Variants in CHN1 observed in about 807,000 individuals in gnomAD.
CHN1 encodes the protein chimerin 1.
A neutral mutation model predicts 59.5 loss-of-function variants in CHN1; 37 were observed. That is an observed-to-expected ratio of 0.62 (90% CI 0.48 to 0.82). The LOEUF is 0.82. Ranked by LOEUF, CHN1 falls within the 40% of genes least tolerant of loss-of-function variation. CHN1 has a pLI of 0.00. For synonymous variants in CHN1, 206 were observed against 200.4 expected (o/e 1.03, Z -0.24); for missense variants, 469 against 571.0 (o/e 0.82, Z 1.82).
chr2:174,855,333 C>T (rs966689322), intron 6 of CHN1, among the ~76,000 whole-genome samples: 6 of 152,138 alleles, frequency 3.9e-5, no homozygotes, highest in Admixed American at 2.6e-4. Flanking sequence ...AGGACCCTTA[C>T]GATTGGGAAG....
intron 1 of CHN1, among the ~76,000 whole-genome samples, chr2:174,978,882 T>C (rs1298399455): frequency 6.6e-6 from 1 of 152,238 alleles, no homozygotes; most frequent in Non-Finnish European, 1.5e-5. Flanking sequence ...AGACCTTTAG[T>C]GACTGAAGAG....
chr2:174,972,231 T>G (rs963766028), intron 1 of CHN1, among the ~76,000 whole-genome samples: 1 of 152,120 alleles, frequency 6.6e-6, no homozygotes, highest in African/African-American at 2.4e-5. Context: ...CTGGTTCCCG[T>G]GTCCAAAAAG....
rs78515400 is a variant in CHN1, at chr2:174,847,749, A to G, written c.550-792T>C. 5.8e-4 allele frequency: 299 copies of G among 512,704 alleles called. No homozygotes were observed. In the African/African-American group the frequency reaches 6.2e-3, roughly 11 times the overall value. The allele number at this position is 512,704 out of a possible 1,614,324, so 31.8% of individuals were successfully genotyped here. ...CTCTGTTTCTCCCTCCTCTCATGTA[A>G]GTAAGTTTCTTGCTGGCTCAAGGCA... On this transcript the variant is annotated intron_variant, in intron 6 of 12. Transcript: ENST00000409900.
At chr2:174,827,492 G>A (rs1489845746) in intron 7 of CHN1, among the ~76,000 whole-genome samples, 1 of 152,196 alleles carries the variant, frequency 6.6e-6, no homozygotes, top group East Asian at 1.9e-4. Flanking sequence ...AGTCTGGGTG[G>A]AGTGGAAACG....
In CHN1 at chr2:174,812,598, A is replaced by G. The variant is rs907809074; in HGVS notation, c.713-116T>C. 3 of 771,906 alleles carry G rather than the reference A, an allele frequency of 3.9e-6. No individual in the cohort carries two copies. The African/African-American group carries it at 5.3e-5, about 14-fold the overall frequency. The allele number at this position is 771,906 out of a possible 1,614,324, so 47.8% of individuals were successfully genotyped here. On this transcript the variant is annotated intron_variant, in intron 8 of 12. Transcript: ENST00000409900. ...CTTGAATTAGGTTTTAAAGTGGACT[A>G]GACTCCAGCAGTTCTTTCTTGGTGG...
intron 6 of CHN1, among the ~76,000 whole-genome samples, chr2:174,861,660 T>C (rs149472777): frequency 8.7e-4 from 132 of 152,352 alleles, no homozygotes; most frequent in Non-Finnish European, 1.3e-3. Context: ...TCAAAATGTA[T>C]GCAGAATATG....
At chr2:174,809,349 C>T (rs1685002551) in intron 10 of CHN1, among the ~76,000 whole-genome samples, 2 of 152,134 alleles carry the variant, frequency 1.3e-5, no homozygotes, top group South Asian at 4.1e-4. Context: ...TGTGAGCCCT[C>T]CATGAGTGCA....
At chr2:174,831,507 T>C (rs1685878078) in intron 7 of CHN1, among the ~76,000 whole-genome samples, 1 of 152,130 alleles carries the variant, frequency 6.6e-6, no homozygotes, top group Admixed American at 6.5e-5. Flanking sequence ...TGTGGAAATA[T>C]CAAAGTTCTC....
chr2:174,869,263 A>C (rs1687326387), intron 6 of CHN1, among the ~76,000 whole-genome samples: 1 of 152,228 alleles, frequency 6.6e-6, no homozygotes, highest in Non-Finnish European at 1.5e-5. Context: ...TGTAATCACT[A>C]CTATACACCT....
rs140925129 is a variant in CHN1, at chr2:174,900,935, T to A, written c.260+14123A>T. ...TTCACTGAAGTGTAACCAGGAAAAATTAAATTATGTCAAAGACCAACAAAA... is the reference window on the plus strand; with the variant it reads ...TTCACTGAAGTGTAACCAGGAAAAAATAAATTATGTCAAAGACCAACAAAA... On this transcript the variant is annotated intron_variant, in intron 5 of 12. Coordinates refer to ENST00000409900, the MANE Select transcript of CHN1 (RefSeq NM_001822.7). Among the ~76,000 whole-genome samples the A allele has an allele frequency of 3.4e-3, 516 of 151,738 alleles. 4 individuals are homozygous for A. Among genetic ancestry groups the A allele is most frequent in the African/African-American group, 0.012 (481 of 41,372 alleles).
intron 5 of CHN1, among the ~76,000 whole-genome samples, chr2:174,882,693 C>G (rs897520595): frequency 6.6e-6 from 1 of 152,116 alleles, no homozygotes; most frequent in Non-Finnish European, 1.5e-5. Context: ...AACCAACATA[C>G]AAAAACAGTT....
At chr2:174,800,963 A>G (rs1176856497) in intron 12 of CHN1, among the ~76,000 whole-genome samples, 3 of 152,248 alleles carry the variant, frequency 2.0e-5, no homozygotes, top group African/African-American at 7.2e-5. Context: ...GTAAACATTC[A>G]TGAGTGACTA....
At chr2:174,930,675 T>C (rs1298018434) in intron 3 of CHN1, among the ~76,000 whole-genome samples, 1 of 152,084 alleles carries the variant, frequency 6.6e-6, no homozygotes, top group Non-Finnish European at 1.5e-5. Flanking sequence ...GTGTCAAGGG[T>C]GACTAAGCCC....
intron 7 of CHN1, among the ~76,000 whole-genome samples, chr2:174,827,078 A>T (rs1410124295): frequency 6.6e-6 from 1 of 152,120 alleles, no homozygotes; most frequent in Admixed American, 6.5e-5. Context: ...TTGAATTTTT[A>T]TATCTAAAAC....
rs141691509 is a variant in CHN1 at position 174,945,139 on chromosome 2, A to C, written c.59-196T>G. The stretch of plus-strand genomic sequence containing the variant: ...AAAGCCCAGGAGCAATTCAAACAGA[A>C]AAATCATAATCCAAACAAGTGTCTT... On this transcript the variant is annotated intron_variant, in intron 2 of 12. Transcript: ENST00000409900. The C allele has an allele frequency of 4.6e-3, 2,449 of 533,508 alleles. 24 individuals are homozygous for C. Among genetic ancestry groups the C allele is most frequent in the Non-Finnish European group, 3.9e-3 (1,139 of 291,492 alleles). The allele number at this position is 533,508 out of a possible 1,614,324, so 33.0% of individuals were successfully genotyped here.
chr2:174,922,114 T>C (rs1689033703), intron 3 of CHN1, among the ~76,000 whole-genome samples: 1 of 152,208 alleles, frequency 6.6e-6, no homozygotes, highest in Non-Finnish European at 1.5e-5. Flanking sequence ...CAGCTACAGA[T>C]GATGGCTATT....
chr2:174,885,116 T>C (rs1383937840), intron 5 of CHN1, among the ~76,000 whole-genome samples: 1 of 147,480 alleles, frequency 6.8e-6, no homozygotes, highest in Non-Finnish European at 1.5e-5. Context: ...TGAAACCCCA[T>C]CTCTACTAAA....
At chr2:174,867,771 C>T (rs965248531) in intron 6 of CHN1, among the ~76,000 whole-genome samples, 1 of 152,010 alleles carries the variant, frequency 6.6e-6, no homozygotes, top group African/African-American at 2.4e-5. Context: ...GCCTAATGGT[C>T]GATAAAGCAA....
intron 1 of CHN1, among the ~76,000 whole-genome samples, chr2:174,994,565 C>T (rs963694960): frequency 5.3e-5 from 8 of 152,136 alleles, no homozygotes; most frequent in African/African-American, 1.7e-4. Context: ...TAAACTATTA[C>T]GTCACCACAC....
Sources: gnomAD v4.1 joint callset for allele counts (sites outside exome capture counted in the v4.1 genomes callset) on GRCh38, gnomAD v4.1.1 for gene constraint, MANE v1.5 for transcripts, NCBI Gene and HGNC (gene_info 2026-07-23, HGNC 2026-07-21) for gene names.